Variants in TCAIM observed in about 807,000 individuals in gnomAD.
The protein encoded by TCAIM is T-cell activation inhibitor, mitochondrial.
In TCAIM, 36 loss-of-function variants were observed where a neutral mutation model predicts 58.6. The ratio of observed to expected loss-of-function variants is 0.61; its 90% CI spans 0.47 to 0.81. TCAIM has a LOEUF of 0.81. TCAIM is among the 30% of genes least tolerant of loss of function. The pLI is 0.00. For synonymous variants in TCAIM, 172 were observed against 193.6 expected (o/e 0.89, Z 0.93); for missense variants, 466 against 579.6 (o/e 0.80, Z 2.01).
intron 5 of TCAIM, among the ~76,000 whole-genome samples, chr3:44,379,653 A>G (rs1242093011): frequency 5.9e-5 from 9 of 152,192 alleles, no homozygotes; most frequent in African/African-American, 2.2e-4. Flanking sequence ...GTCCTCACTT[A>G]TAAGTGGGAA....
At chr3:44,355,516 G>A (rs1161825503) in intron 2 of TCAIM, among the ~76,000 whole-genome samples, 1 of 152,210 alleles carries the variant, frequency 6.6e-6, no homozygotes, top group Admixed American at 6.5e-5. Flanking sequence ...TAATCTGTTG[G>A]TGATACCCAA....
chr3:44,371,701 C>G (rs2125640082), intron 5 of TCAIM, among the ~76,000 whole-genome samples: 1 of 152,250 alleles, frequency 6.6e-6, no homozygotes, highest in Admixed American at 6.5e-5. Flanking sequence ...GGCCCAGAGC[C>G]CCTTGACCTT....
chr3:44,374,276 G>A (rs1701528248), intron 5 of TCAIM, among the ~76,000 whole-genome samples: 2 of 139,850 alleles, frequency 1.4e-5, no homozygotes. Flanking sequence ...AAGTTGTTTT[G>A]CTTTGCTTTC....
At chr3:44,383,079 C>T (rs544311144) in intron 5 of TCAIM, among the ~76,000 whole-genome samples, 4 of 152,188 alleles carry the variant, frequency 2.6e-5, no homozygotes, top group South Asian at 2.1e-4. Context: ...TATCCAAAAA[C>T]CAAAATAACA....
At chr3:44,384,688 T>C (rs539943407) in intron 5 of TCAIM, among the ~76,000 whole-genome samples, 5 of 152,346 alleles carry the variant, frequency 3.3e-5, no homozygotes, top group East Asian at 1.9e-4. Context: ...AGTTGTTTAA[T>C]GGGAATCTTC....
chr3:44,394,472 A>C (rs950314902), intron 6 of TCAIM, among the ~76,000 whole-genome samples: 19 of 152,224 alleles, frequency 1.2e-4, no homozygotes, highest in African/African-American at 4.6e-4. Context: ...TAGAAATTTT[A>C]AAAGATCTGT....
intron 5 of TCAIM, among the ~76,000 whole-genome samples, chr3:44,383,257 T>A (rs950970527): frequency 2.6e-5 from 4 of 152,204 alleles, no homozygotes; most frequent in African/African-American, 9.6e-5. Context: ...ATACCCATGT[T>A]CATAGCAGCA....
intron 8 of TCAIM, among the ~76,000 whole-genome samples, chr3:44,397,317 C>G (rs1282552943): frequency 4.6e-5 from 7 of 152,210 alleles, no homozygotes; most frequent in Admixed American, 3.9e-4. Context: ...ACCACCCCCT[C>G]TCCAAGCAAC....
intron 1 of TCAIM, among the ~76,000 whole-genome samples, chr3:44,351,513 G>T (rs1701087728): frequency 6.6e-6 from 1 of 150,908 alleles, no homozygotes; most frequent in Admixed American, 6.6e-5. Context: ...ATTTATTTTT[G>T]AGACAGAGTC....
intron 5 of TCAIM, among the ~76,000 whole-genome samples, chr3:44,371,491 C>T: frequency 6.6e-6 from 1 of 152,228 alleles, no homozygotes; most frequent in African/African-American, 2.4e-5. Context: ...AGAGAGAGGA[C>T]AGCACTACAC....
At chr3:44,346,409 C>G (rs2125625218) in intron 1 of TCAIM, among the ~76,000 whole-genome samples, 1 of 152,244 alleles carries the variant, frequency 6.6e-6, no homozygotes, top group East Asian at 1.9e-4. Flanking sequence ...AGTGTCTACC[C>G]AGACCAAGAG....
intron 5 of TCAIM, among the ~76,000 whole-genome samples, chr3:44,375,113 C>T (rs1575259736): frequency 6.6e-6 from 1 of 152,176 alleles, no homozygotes; most frequent in Non-Finnish European, 1.5e-5. Context: ...ATTTTATTAT[C>T]AGTTTTTTTC....
intron 1 of TCAIM, among the ~76,000 whole-genome samples, chr3:44,347,263 G>C (rs545843614): frequency 6.6e-6 from 1 of 152,234 alleles, no homozygotes; most frequent in East Asian, 1.9e-4. Context: ...ATGTCCTCTT[G>C]GGAAGATTTA....
Position 44,402,028 on chromosome 3 carries a change from G to GA in TCAIM, c.1250+702dup, listed in dbSNP as rs200140692. On this transcript the variant is annotated intron_variant, in intron 10 of 10. Coordinates refer to ENST00000342649, the MANE Select transcript of TCAIM (RefSeq NM_173826.4). ...AGCCTGAATGAAAGAGTGAGAAAAAGAAAAAAAATAAACGTTTTAACTATT... is the reference window on the plus strand; with the variant it reads ...AGCCTGAATGAAAGAGTGAGAAAAAGAAAAAAAAATAAACGTTTTAACTATT... Among the ~76,000 whole-genome samples the GA allele has an allele frequency of 1.3e-4, 19 of 151,358 alleles. No individual in the cohort carries two copies. The East Asian group carries it at 1.7e-3, about 14-fold the overall frequency.
intron 5 of TCAIM, among the ~76,000 whole-genome samples, chr3:44,368,576 TATG>T (rs1258600993): frequency 3.9e-5 from 6 of 152,244 alleles, no homozygotes; most frequent in African/African-American, 7.2e-5. Context: ...TGTGATAGTC[TATG>T]ATATTTGTCT....
At chr3:44,380,391 A>T (rs6779938) in intron 5 of TCAIM, among the ~76,000 whole-genome samples, 74,637 of 151,768 alleles carry the variant, frequency 0.49, 19,519 homozygotes, top group East Asian at 0.8. Context: ...TGAAAATTTT[A>T]AAAAAATGTA....
intron 1 of TCAIM, among the ~76,000 whole-genome samples, chr3:44,342,050 A>C (rs1323696543): frequency 6.6e-6 from 1 of 152,222 alleles, no homozygotes; most frequent in Admixed American, 6.5e-5. Flanking sequence ...CAATATAGAT[A>C]ACGTTTTCTC....
chr3:44,338,759 G>C (rs1174053005), upstream of TCAIM: 2 of 152,326 alleles, frequency 1.3e-5, no homozygotes, highest in African/African-American at 2.4e-5. Context: ...CGGAGCGACT[G>C]TCCTCCCTTC....
chr3:44,344,750 A>G (rs1297437492), intron 1 of TCAIM, among the ~76,000 whole-genome samples: 1 of 152,088 alleles, frequency 6.6e-6, no homozygotes, highest in African/African-American at 2.4e-5. Context: ...GCTGAGTCCA[A>G]AAAGAGAGCA....
Sources: allele counts gnomAD v4.1 joint callset (sites outside exome capture counted in the v4.1 genomes callset), GRCh38; gene constraint gnomAD v4.1.1; transcripts MANE v1.5; gene names NCBI Gene and HGNC (gene_info 2026-07-23, HGNC 2026-07-21).